Variants in ANK3 observed in about 807,000 individuals in gnomAD.
The protein encoded by ANK3 is ankyrin 3, also known as ankyrin-3.
Under a neutral mutation model 370.9 loss-of-function variants are expected in ANK3, and 57 were observed. That is an observed-to-expected ratio of 0.15 (90% CI 0.12 to 0.19). ANK3 has a LOEUF of 0.19. Among genes scored for constraint, ANK3 ranks in the 10% least tolerant of loss-of-function variants. The pLI is 1.00. For missense variants in ANK3, 4,439 were observed against 5,302.1 expected (o/e 0.84, Z 5.06); for synonymous variants, 1,929 against 1,946.3 (o/e 0.99, Z 0.23).
At chr10:60,219,460 C>T (rs1240640594) in intron 8 of ANK3, among the ~76,000 whole-genome samples, 1 of 152,010 alleles carries the variant, frequency 6.6e-6, no homozygotes, top group Non-Finnish European at 1.5e-5. Context: ...TTCTGCTTGC[C>T]CCCGCCACCT....
At chr10:60,207,991 G>C in intron 10 of ANK3, 45 bp downstream of exon 10, 1 of 1,544,006 alleles carries the variant, frequency 6.5e-7, no homozygotes, top group Admixed American at 1.7e-5. Flanking sequence ...GCAGCACGTT[G>C]TGAGCAAGAC....
chr10:60,539,707 A>G (rs1477546710), intron 2 of ANK3, among the ~76,000 whole-genome samples: 3 of 152,060 alleles, frequency 2.0e-5, no homozygotes, highest in South Asian at 4.2e-4. Context: ...GAAATGTACA[A>G]TTTCACCAGC....
intron 1 of ANK3, among the ~76,000 whole-genome samples, chr10:60,702,105 T>G (rs906924453): frequency 2.0e-5 from 3 of 151,568 alleles, no homozygotes; most frequent in African/African-American, 7.3e-5. Flanking sequence ...CAAAAAAAAG[T>G]AAATAAAGAA....
At chr10:60,236,246 A>G (rs754667185) in intron 7 of ANK3, among the ~76,000 whole-genome samples, 2 of 152,052 alleles carry the variant, frequency 1.3e-5, no homozygotes, top group Admixed American at 6.5e-5. Flanking sequence ...AATTATCTCT[A>G]ACAGATGAGG....
chr10:60,403,881 A>G (rs1293863172), intron 2 of ANK3, among the ~76,000 whole-genome samples: 1 of 152,208 alleles, frequency 6.6e-6, no homozygotes, highest in Non-Finnish European at 1.5e-5. Context: ...CCTAGAACTA[A>G]AAAGTGTATC....
At chr10:60,717,642 C>T (rs1391755380) in intron 1 of ANK3, among the ~76,000 whole-genome samples, 1 of 152,062 alleles carries the variant, frequency 6.6e-6, no homozygotes, top group Non-Finnish European at 1.5e-5. Context: ...TTATTATGCC[C>T]ATTTTCCTTA....
At chr10:60,589,049 G>T (rs926761853) in intron 2 of ANK3, among the ~76,000 whole-genome samples, 1 of 152,116 alleles carries the variant, frequency 6.6e-6, no homozygotes, top group African/African-American at 2.4e-5. Flanking sequence ...ACTCAAACAA[G>T]TCTATTATTT....
At position 60,027,309 on chromosome 10, in the gene ANK3, A is replaced by ATTTTTTT. The variant is rs1564475126; in HGVS notation, c.*2536_*2537insAAAAAAA. 348 of 99,814 alleles carry ATTTTTTT rather than the reference A, an allele frequency of 3.5e-3. 1 individual carries two copies. Among genetic ancestry groups the ATTTTTTT allele is most frequent in the South Asian group, 0.013 (43 of 3,418 alleles). 6.2% of individuals were successfully genotyped at this position (99,814 alleles called of 1,614,324 possible). ...AAGTTTTTTTTTTTTTTTTTTTTTAAAAAAAAAACCTCTCAAGGGTCTAAC... is the reference window on the plus strand; with the variant it reads ...AAGTTTTTTTTTTTTTTTTTTTTTAATTTTTTTAAAAAAAACCTCTCAAGGGTCTAAC... On this transcript the variant is annotated 3_prime_UTR_variant, in exon 44 of 44. Transcript: ENST00000280772.
chr10:60,733,470 G>A, exon 1 of ANK3: 1 of 644,568 alleles, frequency 1.6e-6, no homozygotes, highest in Non-Finnish European at 2.2e-6. Flanking sequence ...CGCCCAGCGC[G>A]GCCTATCCTC....
chr10:60,033,715 G>T (rs2131838820), intron 43 of ANK3, among the ~76,000 whole-genome samples: 1 of 152,112 alleles, frequency 6.6e-6, no homozygotes, highest in East Asian at 1.9e-4. Flanking sequence ...CTTTAAAAAG[G>T]GTCTCCTATC....
chr10:60,045,367 CT>C (rs1397816263), intron 42 of ANK3, among the ~76,000 whole-genome samples: 17 of 152,122 alleles, frequency 1.1e-4, no homozygotes, highest in African/African-American at 3.9e-4. Flanking sequence ...GGGTGGGCGC[CT>C]ATTTTCCTGT....
intron 2 of ANK3, among the ~76,000 whole-genome samples, chr10:60,575,346 A>C (rs1301982480): frequency 1.3e-5 from 2 of 152,130 alleles, no homozygotes; most frequent in East Asian, 3.9e-4. Flanking sequence ...ATGGAAAAAA[A>C]AAAAGGACGT....
chr10:60,063,304 A>G, intron 39 of ANK3, 50 bp from the exon 40 acceptor site: 2 of 1,550,810 alleles, frequency 1.3e-6, no homozygotes, highest in Non-Finnish European at 1.7e-6. Flanking sequence ...ATGTTCTTTC[A>G]GTCAGCACAA....
At chr10:60,259,122 G>A (rs1592622455) in intron 7 of ANK3, among the ~76,000 whole-genome samples, 1 of 152,206 alleles carries the variant, frequency 6.6e-6, no homozygotes, top group South Asian at 2.1e-4. Context: ...TGGGAAGGGA[G>A]AAGCCTCTGT....
chr10:60,330,001 T>C (rs2050829489), intron 1 of ANK3, among the ~76,000 whole-genome samples: 1 of 152,160 alleles, frequency 6.6e-6, no homozygotes, highest in Non-Finnish European at 1.5e-5. Context: ...AACCATCTGA[T>C]CTTTGACAAA....
At chr10:60,510,301 T>C (rs2076047160) in intron 2 of ANK3, among the ~76,000 whole-genome samples, 1 of 152,114 alleles carries the variant, frequency 6.6e-6, no homozygotes, top group Non-Finnish European at 1.5e-5. Flanking sequence ...AAGGGCAAAG[T>C]ATTCCTTTGA....
chr10:60,334,484 T>A (rs543893298), intron 1 of ANK3, among the ~76,000 whole-genome samples: 2 of 152,282 alleles, frequency 1.3e-5, no homozygotes, highest in African/African-American at 4.8e-5. Flanking sequence ...TTCAAGTCTA[T>A]CTAGGTGCAG....
At chr10:60,501,612 G>C (rs1213511047) in intron 2 of ANK3, among the ~76,000 whole-genome samples, 1 of 148,242 alleles carries the variant, frequency 6.7e-6, no homozygotes, top group African/African-American at 2.5e-5. Flanking sequence ...GGCTGAGGCA[G>C]AAGAAATGTT....
chr10:60,282,490 T>C (rs2098178692), intron 1 of ANK3, among the ~76,000 whole-genome samples: 3 of 152,134 alleles, frequency 2.0e-5, no homozygotes, highest in African/African-American at 7.2e-5. Flanking sequence ...GAATAAATTA[T>C]CTTCCTTCAA....
Sources: allele counts gnomAD v4.1 joint callset (sites outside exome capture counted in the v4.1 genomes callset), GRCh38; gene constraint gnomAD v4.1.1; transcripts MANE v1.5; gene names NCBI Gene and HGNC (gene_info 2026-07-23, HGNC 2026-07-21).